NCOR1: variants seen among roughly 807,000 people sequenced by gnomAD.
NCOR1 encodes protein phosphatase 1, regulatory subunit 109.
A neutral mutation model predicts 288.1 loss-of-function variants in NCOR1; 63 were observed. The ratio of observed to expected loss-of-function variants is 0.22; its 90% confidence interval spans 0.18 to 0.27. The LOEUF is 0.27. NCOR1 is among the 10% of genes least tolerant of loss of function. The probability of loss-of-function intolerance (pLI) is 1.00; values close to 1 mark genes in which losing one functional copy is unlikely to be tolerated. For missense variants in NCOR1, 2,397 were observed against 3,019.2 expected, an observed-to-expected ratio of 0.79 and a Z score of 4.83; for synonymous variants, 1,007 against 1,065.9, an observed-to-expected ratio of 0.94 and a Z score of 1.08.
chr17:16,066,658 G>T (rs920607512), intron 32 of NCOR1, among the ~76,000 whole-genome samples: 3 of 152,096 alleles, frequency 2.0e-5, no homozygotes, highest in Non-Finnish European at 4.4e-5. Flanking sequence ...TAGAAGCTAG[G>T]TAAGTCTGTC....
intron 40 of NCOR1, among the ~76,000 whole-genome samples, chr17:16,053,448 C>T (rs183690304): frequency 1.3e-5 from 2 of 151,870 alleles, no homozygotes; most frequent in Non-Finnish European, 2.9e-5. Flanking sequence ...ACAACTGCCA[C>T]AAAAATAATA....
chr17:16,115,476 G>C (rs1346566333), intron 18 of NCOR1, among the ~76,000 whole-genome samples: 1 of 152,126 alleles, frequency 6.6e-6, no homozygotes, highest in African/African-American at 2.4e-5. Flanking sequence ...AAACTTTTAT[G>C]CTCTGCTTCC....
At chr17:16,115,540 C>T (rs1568117038) in intron 18 of NCOR1, among the ~76,000 whole-genome samples, 1 of 152,198 alleles carries the variant, frequency 6.6e-6, no homozygotes, top group Non-Finnish European at 1.5e-5. Context: ...GAATGCTTTG[C>T]TGCTTAGAAA....
chr17:16,054,116 C>T (rs2064877792), intron 40 of NCOR1, among the ~76,000 whole-genome samples: 1 of 137,802 alleles, frequency 7.3e-6, no homozygotes, highest in African/African-American at 2.7e-5. Context: ...TGGAAGACAA[C>T]CTAGGAAATA....
chr17:16,073,534 T>C lies in NCOR1; in HGVS notation c.3706A>G (p.Arg1236Gly). 6.2e-7 allele frequency: 1 copy of C among 1,611,396 alleles called. No individual in the cohort carries two copies. The highest frequency in any genetic ancestry group is 8.5e-7 in the Non-Finnish European group (1 of 1,178,764). The change falls in exon 28 of 46, where the codon AGA becomes GGA. Residue 1236 changes from arginine (R) to glycine (G), a missense_variant. Transcript: ENST00000268712. ...KNAREGTRSP[R>G]TAHEISLKRS... is the part of the protein sequence containing the mutation. ...TTTAAACTGATTTCATGAGCTGTTC[T>C]TGGACTCCTAGTCCCTTCTCGGGCA...
intron 3 of NCOR1, among the ~76,000 whole-genome samples, chr17:16,176,219 C>CAA (rs1568489762): frequency 6.6e-6 from 1 of 151,130 alleles, no homozygotes; most frequent in African/African-American, 2.4e-5. Flanking sequence ...AACTCCATCT[C>CAA]AAAAAAAGAA....
chr17:16,084,624 G>T (rs549195369), intron 23 of NCOR1, among the ~76,000 whole-genome samples: 1 of 152,170 alleles, frequency 6.6e-6, no homozygotes, highest in Admixed American at 6.5e-5. Flanking sequence ...TGAACAAGTA[G>T]ATCAGTGGAA....
rs1568205734 is a variant in NCOR1 at position 16,127,572 on chromosome 17, T to TAC, written c.1510-1367_1510-1366insGT. The stretch of plus-strand genomic sequence containing the variant: ...ATACACATGTGTATATATGTATGTA[T>TAC]ATATACATATGTGTATATATGTATG... On this transcript the variant is annotated intron_variant, in intron 14 of 45. Coordinates refer to ENST00000268712, the MANE Select transcript of NCOR1 (RefSeq NM_006311.4). Among the ~76,000 whole-genome samples the TAC allele has an allele frequency of 3.4e-4, 42 of 122,734 alleles. 2 individuals are homozygous for TAC. Among genetic ancestry groups the TAC allele is most frequent in the African/African-American group, 1.5e-3 (36 of 23,778 alleles). 80.5% of individuals were successfully genotyped at this position (122,734 alleles called of 152,430 possible). A position where few individuals can be genotyped will look rare whatever the true frequency, so the allele number is the denominator to read the frequency against.
chr17:16,162,800 G>A (rs558387244), intron 5 of NCOR1, among the ~76,000 whole-genome samples: 1 of 152,276 alleles, frequency 6.6e-6, no homozygotes, highest in East Asian at 1.9e-4. Flanking sequence ...TGTTCCCTTC[G>A]ATGGAAGACT....
intron 18 of NCOR1, among the ~76,000 whole-genome samples, chr17:16,115,716 G>C (rs950599535): frequency 2.6e-5 from 4 of 152,162 alleles, no homozygotes; most frequent in African/African-American, 4.8e-5. Context: ...ACCTCAGCCT[G>C]GACCTTATTG....
chr17:16,187,266 GAA>G (rs1411867852), intron 2 of NCOR1, among the ~76,000 whole-genome samples: 1 of 147,534 alleles, frequency 6.8e-6, no homozygotes, highest in Non-Finnish European at 1.5e-5. Flanking sequence ...ATCATAAACA[GAA>G]AAACACAGAA....
At chr17:16,149,579 C>G (rs2078546799) in intron 8 of NCOR1, 62 bp from the exon 9 acceptor site, 3 of 730,238 alleles carry the variant, frequency 4.1e-6, no homozygotes, top group Admixed American at 2.8e-5. Flanking sequence ...AATGCATTCA[C>G]TTTTTTTCCA....
At chr17:16,129,693 C>T (rs576490118) in intron 14 of NCOR1, among the ~76,000 whole-genome samples, 1 of 152,236 alleles carries the variant, frequency 6.6e-6, no homozygotes, top group East Asian at 1.9e-4. Flanking sequence ...AGTAAGATGG[C>T]ATAGTAAGGA....
chr17:16,166,977 C>G (rs1454369345), intron 4 of NCOR1, among the ~76,000 whole-genome samples: 1 of 152,036 alleles, frequency 6.6e-6, no homozygotes, highest in Non-Finnish European at 1.5e-5. Flanking sequence ...CTCCTGAGAA[C>G]TTAGAAATGT....
Position 16,062,098 on chromosome 17 carries a change from G to C in NCOR1, c.5387+7C>G. 1 of 1,609,708 alleles carries C rather than the reference G, an allele frequency of 6.2e-7. No individual in the cohort carries two copies. Among genetic ancestry groups the C allele is most frequent in the South Asian group, 1.1e-5 (1 of 89,784 alleles). On this transcript the variant is annotated splice_region_variant and intron_variant, in intron 36 of 45. Coordinates refer to ENST00000268712, the MANE Select transcript of NCOR1 (RefSeq NM_006311.4). ...ATTTTTTGTCAAAATATGTACAAGA[G>C]ACTGACATGATTCGTAGCTGAGCAG...
At chr17:16,152,856 T>A (rs1193719098) in intron 7 of NCOR1, among the ~76,000 whole-genome samples, 1 of 152,198 alleles carries the variant, frequency 6.6e-6, no homozygotes. Flanking sequence ...CTAACTGGTA[T>A]GAGATGGTAT....
At chr17:16,172,070 G>T in intron 3 of NCOR1, 75 bp from the exon 4 acceptor site, 2 of 1,215,550 alleles carry the variant, frequency 1.6e-6, no homozygotes, top group Non-Finnish European at 2.3e-6. Context: ...TCCCTGGTTA[G>T]ACTTTGAAAT....
Position 16,091,976 on chromosome 17 carries a change from T to C in NCOR1, c.2903A>G (p.His968Arg). ...ALYQRHIKAM[H>R]ESALLEEQRQ... ...CTGCTCCTCCAGGAGTGCTGACTCA[T>C]GCATTGCTTTAATGTGTCGCTGGTA... Residue 968 changes from histidine (H) to arginine (R), a missense_variant, in exon 22 of 46, where the codon CAT becomes CGT. Physicochemically the swap from His to Arg is conservative, Grantham distance 29. Transcript: ENST00000268712. 1 of 1,614,258 alleles carries C rather than the reference T, an allele frequency of 6.2e-7. No homozygotes were observed. Among genetic ancestry groups the C allele is most frequent in the South Asian group, 1.1e-5 (1 of 91,088 alleles).
intron 2 of NCOR1, among the ~76,000 whole-genome samples, chr17:16,192,314 G>A (rs1412017063): frequency 6.6e-6 from 1 of 152,134 alleles, no homozygotes; most frequent in Non-Finnish European, 1.5e-5. Context: ...AGGAGTTCGA[G>A]ACCAGCCTGG....
Sources: allele counts gnomAD v4.1 joint callset (sites outside exome capture counted in the v4.1 genomes callset), GRCh38; gene constraint gnomAD v4.1.1; transcripts MANE v1.5; gene names NCBI Gene and HGNC (gene_info 2026-07-23, HGNC 2026-07-21).